Variants in GNG2 observed in about 807,000 individuals in gnomAD.
GNG2 encodes the protein G protein subunit gamma 2, also known as guanine nucleotide-binding protein G(I)/G(S)/G(O) subunit gamma-2.
In GNG2, 5 loss-of-function variants were observed where a neutral mutation model predicts 5.5. That is an observed-to-expected ratio of 0.91 (90% CI 0.48 to 1.92). The LOEUF is 1.92. Among genes scored for constraint, GNG2 ranks in the 30% most tolerant of loss-of-function variants. The probability of loss-of-function intolerance (pLI) is 0.01; values close to 1 mark genes in which losing one functional copy is unlikely to be tolerated. For missense variants in GNG2, 55 were observed against 88.4 expected, an observed-to-expected ratio of 0.62 and a Z score of 1.52; for synonymous variants, 28 against 32.0, an observed-to-expected ratio of 0.88 and a Z score of 0.42.
upstream of GNG2, among the ~76,000 whole-genome samples, chr14:51,858,339 G>A (rs1882257886): frequency 6.6e-6 from 1 of 152,158 alleles, no homozygotes; most frequent in Non-Finnish European, 1.5e-5. Context: ...GCTTTGTATA[G>A]AGTTTTGTTG....
chr14:51,873,072 A>C (rs1773042858), intron 1 of GNG2, among the ~76,000 whole-genome samples: 1 of 152,242 alleles, frequency 6.6e-6, no homozygotes, highest in Admixed American at 6.5e-5. Flanking sequence ...AATTAATTTC[A>C]TTATAAACCT....
chr14:51,949,082 C>T (rs1888814338), intron 2 of GNG2, among the ~76,000 whole-genome samples: 1 of 148,884 alleles, frequency 6.7e-6, no homozygotes, highest in Non-Finnish European at 1.5e-5. Flanking sequence ...GATCGCGCCA[C>T]TGCACTCCAG....
intron 1 of GNG2, among the ~76,000 whole-genome samples, chr14:51,863,448 G>T (rs1882660339): frequency 6.6e-6 from 1 of 152,120 alleles, no homozygotes. Context: ...CTTCCTTGGT[G>T]GCATAAGGAA....
At chr14:51,895,350 T>G (rs1566670901) in intron 2 of GNG2, among the ~76,000 whole-genome samples, 1 of 152,192 alleles carries the variant, frequency 6.6e-6, no homozygotes, top group African/African-American at 2.4e-5. Context: ...CTTGAGCTAA[T>G]AGAATAAATA....
At chr14:51,899,304 T>C (rs537309104) in intron 2 of GNG2, among the ~76,000 whole-genome samples, 1 of 152,304 alleles carries the variant, frequency 6.6e-6, no homozygotes, top group Admixed American at 6.5e-5. Flanking sequence ...CCACAGTCTC[T>C]GAGCCAGCCC....
intron 3 of GNG2, among the ~76,000 whole-genome samples, chr14:51,962,233 A>G (rs988926302): frequency 6.8e-6 from 1 of 147,314 alleles, no homozygotes; most frequent in Admixed American, 6.9e-5. Context: ...ATTTTTAAAA[A>G]TATATGTGAT....
intron 2 of GNG2, among the ~76,000 whole-genome samples, chr14:51,924,959 A>G (rs1163370360): frequency 6.6e-6 from 1 of 152,228 alleles, no homozygotes; most frequent in Non-Finnish European, 1.5e-5. Context: ...TTATCCCCAC[A>G]GTAACCCTAA....
At chr14:51,928,843 AT>A (rs1238274956) in intron 2 of GNG2, among the ~76,000 whole-genome samples, 2 of 151,942 alleles carry the variant, frequency 1.3e-5, no homozygotes, top group Non-Finnish European at 2.9e-5. Flanking sequence ...GGGTTCTGTG[AT>A]TTACAGGCGT....
rs772847851 is a variant in GNG2 at position 51,890,498 on chromosome 14, T to C, written c.-30+12841T>C. ...TGCTTTTTGCTATAACTTGGCAAATTATTTTCCCAAGGTGACTTGGAAATA... is the reference window on the plus strand; with the variant it reads ...TGCTTTTTGCTATAACTTGGCAAATCATTTTCCCAAGGTGACTTGGAAATA... On this transcript the variant is annotated intron_variant, in intron 2 of 3. Transcript: ENST00000556766. Among the ~76,000 whole-genome samples the C allele has an allele frequency of 7.7e-4, 118 of 152,344 alleles. 1 individual carries two copies. The highest frequency in any genetic ancestry group is 9.3e-4 in the Non-Finnish European group (63 of 68,026).
At chr14:51,862,626 A>C (rs958058620) in intron 1 of GNG2, among the ~76,000 whole-genome samples, 7 of 152,278 alleles carry the variant, frequency 4.6e-5, no homozygotes, top group African/African-American at 1.7e-4. Flanking sequence ...AATCTGCATT[A>C]GTCTTCTGTG....
chr14:51,851,535 G>A (rs2044565961), intron 2 of GNG2, among the ~76,000 whole-genome samples: 1 of 152,118 alleles, frequency 6.6e-6, no homozygotes, highest in Non-Finnish European at 1.5e-5. Context: ...TGTATATCAG[G>A]CACCATCAAG....
At chr14:51,944,752 A>G (rs1294633963) in intron 2 of GNG2, among the ~76,000 whole-genome samples, 2 of 152,254 alleles carry the variant, frequency 1.3e-5, no homozygotes, top group South Asian at 2.1e-4. Flanking sequence ...ATATAACACC[A>G]GAGACATGGG....
chr14:51,839,505 C>T (rs1200576146), intron 2 of GNG2, among the ~76,000 whole-genome samples: 1 of 152,080 alleles, frequency 6.6e-6, no homozygotes, highest in African/African-American at 2.4e-5. Flanking sequence ...GGTGGGTTTG[C>T]CCTACACAGT....
intron 2 of GNG2, among the ~76,000 whole-genome samples, chr14:51,922,028 GT>G (rs954094998): frequency 3.3e-5 from 5 of 152,120 alleles, no homozygotes; most frequent in Non-Finnish European, 7.3e-5. Flanking sequence ...CCTGGACTCT[GT>G]TATATTATAA....
At chr14:51,892,719 C>A (rs1410288609) in intron 2 of GNG2, among the ~76,000 whole-genome samples, 2 of 152,222 alleles carry the variant, frequency 1.3e-5, no homozygotes, top group Non-Finnish European at 2.9e-5. Context: ...CTCCCTCCTC[C>A]CCCATGTAAC....
At chr14:51,851,032 G>A (rs967421349) in intron 2 of GNG2, among the ~76,000 whole-genome samples, 10 of 152,182 alleles carry the variant, frequency 6.6e-5, no homozygotes, top group Non-Finnish European at 1.0e-4. Flanking sequence ...CCAACCCACC[G>A]TGGAGCTTAT....
At chr14:51,861,099 G>A (rs1373219897) in intron 1 of GNG2, among the ~76,000 whole-genome samples, 1 of 152,312 alleles carries the variant, frequency 6.6e-6, no homozygotes, top group South Asian at 2.1e-4. Flanking sequence ...CTGTGAAGCT[G>A]TGGTCTGGTC....
chr14:51,953,004 C>A (rs1889077515), intron 3 of GNG2, among the ~76,000 whole-genome samples: 1 of 152,180 alleles, frequency 6.6e-6, no homozygotes, highest in Admixed American at 6.5e-5. Context: ...CTCTTTTCTG[C>A]ATGCCATATA....
At chr14:51,934,638 A>G (rs1887861160) in intron 2 of GNG2, among the ~76,000 whole-genome samples, 1 of 152,166 alleles carries the variant, frequency 6.6e-6, no homozygotes, top group Admixed American at 6.5e-5. Flanking sequence ...CAGCCTCAGC[A>G]TTCAGTACCC....
Sources: gnomAD v4.1 joint callset for allele counts (sites outside exome capture counted in the v4.1 genomes callset) on GRCh38, gnomAD v4.1.1 for gene constraint, MANE v1.5 for transcripts, NCBI Gene and HGNC (gene_info 2026-07-23, HGNC 2026-07-21) for gene names.